RC3H1: variants seen among roughly 807,000 people sequenced by gnomAD.
The protein encoded by RC3H1 is roquin-1.
RC3H1 carries 50 observed loss-of-function variants against 138.2 expected under a neutral mutation model. That is an observed-to-expected ratio of 0.36 (90% CI 0.29 to 0.46). The LOEUF is 0.46. Among genes scored for constraint, RC3H1 ranks in the 20% least tolerant of loss-of-function variants. RC3H1 has a pLI of 1.00. For missense variants in RC3H1, 1,031 were observed against 1,388.1 expected, an observed-to-expected ratio of 0.74 and a Z score of 4.09; for synonymous variants, 462 against 489.1, an observed-to-expected ratio of 0.94 and a Z score of 0.73.
At chr1:173,949,141 T>A (rs544054471) in intron 14 of RC3H1, among the ~76,000 whole-genome samples, 4 of 42,512 alleles carry the variant, frequency 9.4e-5, no homozygotes, top group Non-Finnish European at 2.0e-4. Context: ...GGGGGGGGGG[T>A]GGGGCTGGCA....
At chr1:173,955,319 CTTT>C (rs1227853549) in intron 13 of RC3H1, among the ~76,000 whole-genome samples, 1 of 126,666 alleles carries the variant, frequency 7.9e-6, no homozygotes, top group Admixed American at 7.9e-5. Context: ...GAGATGTTGG[CTTT>C]TTTTTTTTTT....
chr1:173,991,545 C>G (rs890259364), intron 2 of RC3H1, among the ~76,000 whole-genome samples: 1 of 152,196 alleles, frequency 6.6e-6, no homozygotes, highest in African/African-American at 2.4e-5. Context: ...TTGACTTGTT[C>G]CTGATCTTAC....
chr1:173,973,739 C>T (rs970146176), intron 7 of RC3H1, among the ~76,000 whole-genome samples: 1 of 151,982 alleles, frequency 6.6e-6, no homozygotes. Context: ...TGCTCAGACA[C>T]CCTGAAAGAA....
At chr1:174,008,836 G>A (rs1661698982) in intron 1 of RC3H1, among the ~76,000 whole-genome samples, 2 of 152,040 alleles carry the variant, frequency 1.3e-5, no homozygotes, top group Non-Finnish European at 2.9e-5. Context: ...AATTAGCCAG[G>A]CGTGGTGGCG....
chr1:173,935,001 A>G lies in RC3H1; in HGVS notation c.*3720T>C, dbSNP rs1320762079. On this transcript the variant is annotated 3_prime_UTR_variant, in exon 20 of 20. Coordinates refer to ENST00000367696, the MANE Select transcript of RC3H1 (RefSeq NM_172071.4). Reference sequence around the variant, plus strand: ...AAGGGAAATAAGATGGGAGAAAGGAATCACCAACATTAATGCTGTACCAAA... The same window carrying G: ...AAGGGAAATAAGATGGGAGAAAGGAGTCACCAACATTAATGCTGTACCAAA... 2 of 151,172 alleles carry G rather than the reference A, an allele frequency of 1.3e-5. No homozygotes were observed. Among genetic ancestry groups the G allele is most frequent in the Non-Finnish European group, 2.9e-5 (2 of 68,032 alleles). The allele number at this position is 151,172 out of a possible 1,614,324, so 9.4% of individuals were successfully genotyped here.
chr1:173,986,107 C>T (rs1452291539), intron 2 of RC3H1, among the ~76,000 whole-genome samples: 2 of 151,876 alleles, frequency 1.3e-5, no homozygotes, highest in African/African-American at 4.8e-5. Flanking sequence ...CTGCAACCTC[C>T]GCCTCCTGGG....
intron 7 of RC3H1, among the ~76,000 whole-genome samples, chr1:173,975,770 C>T (rs1397935744): frequency 1.1e-5 from 1 of 94,508 alleles, no homozygotes; most frequent in Non-Finnish European, 1.8e-5. Context: ...TAGTGGCGGG[C>T]GCCTGTAGTC....
rs1658407447 is a variant in RC3H1, at chr1:173,932,171, G to A, written c.*6550C>T. ...GGGCACAATCACTTACAATCAATAC[G>A]ATTGGTAAATTACACAAGCTCTATC... On this transcript the variant is annotated 3_prime_UTR_variant, in exon 20 of 20. Transcript: ENST00000367696. 6.6e-6 allele frequency: 1 copy of A among 151,826 alleles called. No individual in the cohort carries two copies. Among genetic ancestry groups the A allele is most frequent in the African/African-American group, 2.4e-5 (1 of 41,348 alleles). The allele number at this position is 151,826 out of a possible 1,614,324, so 9.4% of individuals were successfully genotyped here. A position where few individuals can be genotyped will look rare whatever the true frequency, so the allele number is the denominator to read the frequency against.
chr1:173,950,420 C>CAAAAAAAAAAAAAA lies in RC3H1; in HGVS notation c.2523+1552_2523+1565dup, dbSNP rs60259705. ...CAACATAGCAAGACCTCATCTCTAC[C>CAAAAAAAAAAAAAA]AAAAAAAAAAAAAAAAAAAAAGAGC... On this transcript the variant is annotated intron_variant, in intron 14 of 19. Coordinates refer to ENST00000367696, the MANE Select transcript of RC3H1 (RefSeq NM_172071.4). 1.7e-3 allele frequency among the ~76,000 whole-genome samples: 106 copies of CAAAAAAAAAAAAAA among 63,650 alleles called. 8 individuals carry two copies. Among genetic ancestry groups the CAAAAAAAAAAAAAA allele is most frequent in the African/African-American group, 5.0e-3 (72 of 14,398 alleles). The allele number at this position is 63,650 out of a possible 152,430, so 41.8% of individuals were successfully genotyped here.
chr1:173,950,274 T>C (rs1169835816), intron 14 of RC3H1, among the ~76,000 whole-genome samples: 1 of 151,978 alleles, frequency 6.6e-6, no homozygotes, highest in African/African-American at 2.4e-5. Flanking sequence ...CAATATTGTT[T>C]AGGAATAGTA....
intron 1 of RC3H1, among the ~76,000 whole-genome samples, chr1:174,014,827 T>G (rs1243517627): frequency 2.0e-5 from 3 of 152,188 alleles, no homozygotes; most frequent in Admixed American, 6.6e-5. Flanking sequence ...AAGTGTATGT[T>G]CTATTTTTTT....
chr1:173,991,885 A>AT (rs142449098), intron 2 of RC3H1, among the ~76,000 whole-genome samples: 8 of 151,778 alleles, frequency 5.3e-5, no homozygotes, highest in Admixed American at 1.3e-4. Flanking sequence ...GGAAAATTTT[A>AT]TTTTTTTTAT....
rs2102928170 is a variant in RC3H1, at chr1:173,961,151, C to T, written c.2296G>A (p.Glu766Lys). 1 of 1,614,018 alleles carries T rather than the reference C, an allele frequency of 6.2e-7. No individual in the cohort carries two copies. The highest frequency in any genetic ancestry group is 1.1e-5 in the South Asian group (1 of 91,066). Residue 766 changes from glutamate to lysine, a missense_variant, in exon 13 of 20, where the codon GAG becomes AAG. Coordinates refer to ENST00000367696, the MANE Select transcript of RC3H1 (RefSeq NM_172071.4). ...GGTGGAGAGATAACCTTTCTTTCCT[C>T]TAGCTGGGCCATTATTTCCTTTCGT... ...RRRKEIMAQL[E>K]ERKVISPPPF...
At chr1:173,985,849 T>C (rs1475552781) in intron 2 of RC3H1, among the ~76,000 whole-genome samples, 2 of 152,182 alleles carry the variant, frequency 1.3e-5, no homozygotes, top group East Asian at 3.8e-4. Context: ...ATGTTGACCA[T>C]CCTTTCATAT....
At chr1:173,943,347 G>T in intron 18 of RC3H1, 95 bp downstream of exon 18, 1 of 1,239,620 alleles carries the variant, frequency 8.1e-7, no homozygotes, top group South Asian at 1.5e-5. Context: ...TCATCAGAGT[G>T]CCTTGAAGTG....
At chr1:173,969,596 G>C (rs1469299863) in intron 9 of RC3H1, among the ~76,000 whole-genome samples, 1 of 151,874 alleles carries the variant, frequency 6.6e-6, no homozygotes, top group African/African-American at 2.4e-5. Context: ...CGGTGGGTGT[G>C]GTGGCTCCTG....
intron 7 of RC3H1, among the ~76,000 whole-genome samples, chr1:173,975,385 C>T (rs1047152755): frequency 1.3e-5 from 2 of 151,950 alleles, no homozygotes; most frequent in Non-Finnish European, 2.9e-5. Context: ...TGAGCCACTG[C>T]ACCCGGCCGA....
chr1:173,971,070 T>G (rs1184157208), intron 8 of RC3H1, among the ~76,000 whole-genome samples: 1 of 151,436 alleles, frequency 6.6e-6, no homozygotes, highest in Non-Finnish European at 1.5e-5. Context: ...CAAGCGATTC[T>G]CCTGCCTCAG....
intron 1 of RC3H1, among the ~76,000 whole-genome samples, chr1:174,014,411 T>G (rs1399271924): frequency 2.6e-5 from 4 of 152,088 alleles, no homozygotes; most frequent in Non-Finnish European, 5.9e-5. Context: ...TAGCCACATA[T>G]AGTTAGTGGC....
Sources: gnomAD v4.1 joint callset for allele counts (sites outside exome capture counted in the v4.1 genomes callset) on GRCh38, gnomAD v4.1.1 for gene constraint, MANE v1.5 for transcripts, NCBI Gene and HGNC (gene_info 2026-07-23, HGNC 2026-07-21) for gene names.